ARL6IP6: variants seen among roughly 807,000 people sequenced by gnomAD.
ARL6IP6 encodes the protein ADP-ribosylation factor-like protein 6-interacting protein 6.
In ARL6IP6, 22 loss-of-function variants were observed where a neutral mutation model predicts 21.5. The observed-to-expected ratio is 1.02, with a 90% CI of 0.73 to 1.46. The LOEUF (loss-of-function observed/expected upper bound fraction) is 1.46, where lower values mean the gene tolerates loss of function less well. Ranked by LOEUF, ARL6IP6 falls within the 40% of genes most tolerant of loss-of-function variation. ARL6IP6 has a pLI of 0.00. For missense variants in ARL6IP6, 388 were observed against 299.8 expected (o/e 1.29, Z -2.17); for synonymous variants, 164 against 125.3 (o/e 1.31, Z -2.06).
intron 2 of ARL6IP6, among the ~76,000 whole-genome samples, chr2:152,722,501 A>T (rs933281927): frequency 2.0e-5 from 3 of 152,232 alleles, no homozygotes; most frequent in Non-Finnish European, 4.4e-5. Flanking sequence ...GTTATAGCAG[A>T]TGTATGTATT....
At position 152,719,744 on chromosome 2, in the gene ARL6IP6, G is replaced by A. The variant is rs187552588; in HGVS notation, c.400+720G>A. On this transcript the variant is annotated intron_variant, in intron 1 of 3. Coordinates refer to ENST00000326446, the MANE Select transcript of ARL6IP6 (RefSeq NM_152522.7). Reference sequence around the variant, plus strand: ...CTCACTAGTTTGTGACCTTTGCCAAGTTACTGAAAAAAAAAAAAAAAAAAA... The same window carrying A: ...CTCACTAGTTTGTGACCTTTGCCAAATTACTGAAAAAAAAAAAAAAAAAAA... 7.6e-3 allele frequency among the ~76,000 whole-genome samples: 700 copies of A among 91,978 alleles called. 11 individuals are homozygous for A. The highest frequency in any genetic ancestry group is 0.074 in the Admixed American group (540 of 7,342). 60.3% of individuals were successfully genotyped at this position (91,978 alleles called of 152,430 possible).
intron 3 of ARL6IP6, among the ~76,000 whole-genome samples, chr2:152,751,872 T>C (rs1343887832): frequency 6.6e-6 from 1 of 152,226 alleles, no homozygotes; most frequent in Non-Finnish European, 1.5e-5. Flanking sequence ...CTGATTGTCC[T>C]TTCTTTGGGT....
intron 3 of ARL6IP6, among the ~76,000 whole-genome samples, chr2:152,759,509 T>C (rs1701733631): frequency 6.6e-6 from 1 of 152,130 alleles, no homozygotes; most frequent in African/African-American, 2.4e-5. Flanking sequence ...GCATTACTCA[T>C]CAGTAATGAT....
intron 2 of ARL6IP6, among the ~76,000 whole-genome samples, chr2:152,731,579 C>T (rs907040753): frequency 6.6e-6 from 1 of 152,154 alleles, no homozygotes; most frequent in Non-Finnish European, 1.5e-5. Flanking sequence ...CTCCTTGCTG[C>T]TCCTCTGTTC....
At chr2:152,734,673 T>C (rs1040921305) in intron 2 of ARL6IP6, among the ~76,000 whole-genome samples, 1 of 152,078 alleles carries the variant, frequency 6.6e-6, no homozygotes, top group Non-Finnish European at 1.5e-5. Context: ...ATCTTAAGAG[T>C]CTTGTGAAAT....
intron 3 of ARL6IP6, among the ~76,000 whole-genome samples, chr2:152,747,334 C>T (rs972251770): frequency 3.3e-5 from 5 of 152,130 alleles, no homozygotes; most frequent in African/African-American, 1.2e-4. Context: ...AATTGAGCTT[C>T]CTATTCTCTC....
chr2:152,739,322 T>G (rs1444780069), intron 3 of ARL6IP6, among the ~76,000 whole-genome samples: 2 of 152,178 alleles, frequency 1.3e-5, no homozygotes, highest in African/African-American at 4.8e-5. Flanking sequence ...AGTCAACTCT[T>G]GAGTGCTTTG....
intron 3 of ARL6IP6, among the ~76,000 whole-genome samples, chr2:152,752,104 G>A (rs1354457566): frequency 6.6e-6 from 1 of 152,104 alleles, no homozygotes; most frequent in Admixed American, 6.5e-5. Context: ...CTGGGATTAG[G>A]TCCTTTCCTT....
intron 3 of ARL6IP6, among the ~76,000 whole-genome samples, chr2:152,758,941 A>AT (rs1701708896): frequency 6.6e-6 from 1 of 152,112 alleles, no homozygotes; most frequent in Non-Finnish European, 1.5e-5. Context: ...TGTGTCCTCA[A>AT]TTTGTTTTGC....
At chr2:152,745,583 A>G (rs892767994) in intron 3 of ARL6IP6, among the ~76,000 whole-genome samples, 1 of 152,192 alleles carries the variant, frequency 6.6e-6, no homozygotes, top group Non-Finnish European at 1.5e-5. Context: ...AATTGACTCT[A>G]CTACTCTTTG....
chr2:152,756,814 C>A (rs912918121), intron 3 of ARL6IP6, among the ~76,000 whole-genome samples: 1 of 152,098 alleles, frequency 6.6e-6, no homozygotes, highest in Non-Finnish European at 1.5e-5. Context: ...TAAACTCATA[C>A]GTTGATAGTG....
chr2:152,718,907 G>T lies in ARL6IP6; in HGVS notation c.283G>T (p.Ala95Ser). The T allele has an allele frequency of 6.2e-7, 1 of 1,613,894 alleles. No individual in the cohort carries two copies. The highest frequency in any genetic ancestry group is 8.5e-7 in the Non-Finnish European group (1 of 1,179,898). Residue 95 changes from alanine (A) to serine (S), a missense_variant, in exon 1 of 4, where the codon GCG becomes TCG. Ala to Ser is a moderately conservative substitution (Grantham distance 99). Coordinates refer to ENST00000326446, the MANE Select transcript of ARL6IP6 (RefSeq NM_152522.7). ...DKRNGIFPAA[A>S]GSRAQPRRWP... ...GCGCAATGGTATCTTTCCCGCGGCCGCGGGCAGCAGAGCCCAGCCTCGGCG... is the reference window on the plus strand; with the variant it reads ...GCGCAATGGTATCTTTCCCGCGGCCTCGGGCAGCAGAGCCCAGCCTCGGCG...
intron 3 of ARL6IP6, among the ~76,000 whole-genome samples, chr2:152,752,003 A>G (rs1209115638): frequency 6.6e-6 from 1 of 152,182 alleles, no homozygotes; most frequent in African/African-American, 2.4e-5. Context: ...ATGTTAGACT[A>G]TTACACAGAA....
intron 1 of ARL6IP6, 111 bp downstream of exon 1, chr2:152,719,135 T>G: frequency 3.2e-6 from 4 of 1,265,548 alleles, no homozygotes; most frequent in Non-Finnish European, 4.2e-6. Context: ...GGCTGGCAGC[T>G]GCTTTCACCC....
chr2:152,731,638 G>GT (rs1335968721), intron 2 of ARL6IP6, among the ~76,000 whole-genome samples: 1 of 151,994 alleles, frequency 6.6e-6, no homozygotes, highest in Non-Finnish European at 1.5e-5. Flanking sequence ...AATTTACTTA[G>GT]TTCTATTTTG....
Position 152,759,958 on chromosome 2 carries a change from G to T in ARL6IP6, c.*118G>T. 2.6e-6 allele frequency: 2 copies of T among 780,582 alleles called. No individual in the cohort carries two copies. Among genetic ancestry groups the T allele is most frequent in the African/African-American group, 1.7e-5 (1 of 57,916 alleles). The allele number at this position is 780,582 out of a possible 1,614,324, so 48.4% of individuals were successfully genotyped here. On this transcript the variant is annotated 3_prime_UTR_variant, in exon 4 of 4. Transcript: ENST00000326446. ...AACCTGCTGTTCATTATGTAGTTCA[G>T]ATATTTATCACAATCATCCTCATTA...
intron 1 of ARL6IP6, chr2:152,719,750 GA>G (rs11328553): frequency 0.58 from 148,318 of 255,080 alleles, 34,425 homozygotes; most frequent in African/African-American, 0.71. Context: ...CCAAGTTACT[GA>G]AAAAAAAAAA....
At chr2:152,724,361 T>C (rs1440452811) in intron 2 of ARL6IP6, among the ~76,000 whole-genome samples, 1 of 152,216 alleles carries the variant, frequency 6.6e-6, no homozygotes, top group African/African-American at 2.4e-5. Context: ...TTAATTTGTG[T>C]GTTATTTCCT....
chr2:152,747,340 C>A (rs1701102987), intron 3 of ARL6IP6, among the ~76,000 whole-genome samples: 1 of 152,098 alleles, frequency 6.6e-6, no homozygotes, highest in Admixed American at 6.6e-5. Flanking sequence ...GCTTCCTATT[C>A]TCTCCATTGT....
Sources: gnomAD v4.1 joint callset for allele counts (sites outside exome capture counted in the v4.1 genomes callset) on GRCh38, gnomAD v4.1.1 for gene constraint, MANE v1.5 for transcripts, NCBI Gene and HGNC (gene_info 2026-07-23, HGNC 2026-07-21) for gene names.